Variants in REP15 observed in about 807,000 individuals in gnomAD.
REP15 encodes the protein RAB15 effector protein.
Under a neutral mutation model 1.1 loss-of-function variants are expected in REP15, and 1 was observed. That is an observed-to-expected ratio of 0.89 (90% confidence interval 0.32 to 4.24). The LOEUF is 4.24. Ranked by LOEUF, REP15 falls within the 30% of genes most tolerant of loss-of-function variation. REP15 has a pLI of 0.17. For synonymous variants in REP15, 100 were observed against 99.7 expected, an observed-to-expected ratio of 1.00 and a Z score of -0.02; for missense variants, 246 against 271.9, an observed-to-expected ratio of 0.90 and a Z score of 0.67.
Position 27,697,341 on chromosome 12 carries a change from C to T in REP15, c.*68C>T. On this transcript the variant is annotated 3_prime_UTR_variant, in exon 1 of 1. Transcript: ENST00000310791. ...AAAAAGATTCTAATAAGCAAGCTCA[C>T]CTATTTGCATCATTCCAGCATGGGA... 2 of 924,994 alleles carry T rather than the reference C, an allele frequency of 2.2e-6. No individual in the cohort carries two copies. The highest frequency in any genetic ancestry group is 3.3e-6 in the Non-Finnish European group (2 of 597,328). 57.3% of individuals were successfully genotyped at this position (924,994 alleles called of 1,614,324 possible). A position where few individuals can be genotyped will look rare whatever the true frequency, so the allele number is the denominator to read the frequency against.
At position 27,696,877 on chromosome 12, in the gene REP15, G is replaced by A. The variant is rs890091658; in HGVS notation, c.315G>A (p.Lys105=). The A allele has an allele frequency of 6.2e-7, 1 of 1,614,054 alleles. No homozygotes were observed. The highest frequency in any genetic ancestry group is 1.7e-5 in the Admixed American group (1 of 60,006). Residue 105 remains lysine, a synonymous_variant, in exon 1 of 1, where the codon AAG becomes AAA. Coordinates refer to ENST00000310791, the MANE Select transcript of REP15 (RefSeq NM_001029874.3). The part of the protein sequence containing the change: ...WTFWGSNKQI[K]LQLAVQTLQM... Reference sequence around the variant, plus strand: ...TTTGGGGATCCAACAAGCAAATAAAGCTTCAGCTCGCAGTACAGACTCTGC... The same window carrying A: ...TTTGGGGATCCAACAAGCAAATAAAACTTCAGCTCGCAGTACAGACTCTGC...
rs772797169 is a variant in REP15 at position 27,697,144 on chromosome 12, A to C, written c.582A>C (p.Gly194=). 6.2e-7 allele frequency: 1 copy of C among 1,613,808 alleles called. No homozygotes were observed. Among genetic ancestry groups the C allele is most frequent in the South Asian group, 1.1e-5 (1 of 91,068 alleles). ...KSQMVRSHLP[G]GKAVAQFVLE... ...AGATGGTGAGGAGCCATCTGCCAGG[A>C]GGGAAGGCTGTGGCTCAGTTTGTCC... The change falls in exon 1 of 1, where the codon GGA becomes GGC. Residue 194 remains glycine, a synonymous_variant. Coordinates refer to ENST00000310791, the MANE Select transcript of REP15 (RefSeq NM_001029874.3).
rs181079535 is a variant in REP15, at chr12:27,696,823, C to T, written c.261C>T (p.Phe87=). 21 of 1,613,934 alleles carry T rather than the reference C, an allele frequency of 1.3e-5. No homozygotes were observed. The highest frequency in any genetic ancestry group is 5.9e-6 in the Non-Finnish European group (7 of 1,179,942). Residue 87 remains phenylalanine, a synonymous_variant, in exon 1 of 1, where the codon TTC becomes TTT. Transcript: ENST00000310791. ...CCAAGATGACCAAGCACCAAGCCTT[C>T]CTGTTTGGTGCAGACTGGATTTGGA... ...TTTKMTKHQA[F]LFGADWIWTF... is the part of the protein sequence containing the mutation.
Position 27,696,551 on chromosome 12 carries a change from G to T in REP15, c.-12G>T. The T allele has an allele frequency of 6.3e-7, 1 of 1,581,514 alleles. No individual in the cohort carries two copies. ...ACCAGATTCACATGTTTGATATTTG[G>T]ATGCAGAGAAAATGGGGCAGAAAGC... On this transcript the variant is annotated 5_prime_UTR_variant, in exon 1 of 1. Coordinates refer to ENST00000310791, the MANE Select transcript of REP15 (RefSeq NM_001029874.3).
chr12:27,697,107 G>T lies in REP15; in HGVS notation c.545G>T (p.Ser182Ile). 2 of 1,614,166 alleles carry T rather than the reference G, an allele frequency of 1.2e-6. No individual in the cohort carries two copies. The highest frequency in any genetic ancestry group is 8.5e-7 in the Non-Finnish European group (1 of 1,180,030). The change falls in exon 1 of 1, where the codon AGT becomes ATT. Residue 182 changes from serine to isoleucine, a missense_variant. By Grantham distance (142) the Ser-to-Ile change is moderately radical. Coordinates refer to ENST00000310791, the MANE Select transcript of REP15 (RefSeq NM_001029874.3). ...PKDIRGVVLD[S>I]VKSQMVRSHL... The stretch of plus-strand genomic sequence containing the variant: ...GACATCAGGGGAGTTGTCCTGGACA[G>T]TGTCAAAAGTCAGATGGTGAGGAGC...
Position 27,696,795 on chromosome 12 carries a change from C to T in REP15, c.233C>T (p.Thr78Ile), listed in dbSNP as rs1220911408. The part of the protein sequence containing the change: ...QEKGVDEWLT[T>I]TKMTKHQAFL... ...AAGGGAGTTGATGAGTGGCTGACCACCACCAAGATGACCAAGCACCAAGCC... is the reference window on the plus strand; with the variant it reads ...AAGGGAGTTGATGAGTGGCTGACCATCACCAAGATGACCAAGCACCAAGCC... Residue 78 changes from threonine (T) to isoleucine (I), a missense_variant, in exon 1 of 1, where the codon ACC becomes ATC. Coordinates refer to ENST00000310791, the MANE Select transcript of REP15 (RefSeq NM_001029874.3). 6 of 1,613,940 alleles carry T rather than the reference C, an allele frequency of 3.7e-6. No homozygotes were observed. The highest frequency in any genetic ancestry group is 1.3e-5 in the African/African-American group (1 of 74,922).
Sources: gnomAD v4.1 joint callset for allele counts on GRCh38, gnomAD v4.1.1 for gene constraint, MANE v1.5 for transcripts, NCBI Gene and HGNC (gene_info 2026-07-23, HGNC 2026-07-21) for gene names.